GTF3C3: variants seen among roughly 807,000 people sequenced by gnomAD.
GTF3C3 encodes general transcription factor 3C polypeptide 3.
In GTF3C3, 75 loss-of-function variants were observed where a neutral mutation model predicts 105.2. The observed-to-expected ratio is 0.71, with a 90% confidence interval of 0.59 to 0.86. The LOEUF is 0.86. Ranked by LOEUF, GTF3C3 falls within the 40% of genes least tolerant of loss-of-function variation. The pLI is 0.00. For synonymous variants in GTF3C3, 335 were observed against 370.4 expected (o/e 0.90, Z 1.10); for missense variants, 856 against 1,076.5 (o/e 0.80, Z 2.87).
At chr2:196,781,636 T>C (rs1699365061) in intron 8 of GTF3C3, among the ~76,000 whole-genome samples, 2 of 151,836 alleles carry the variant, frequency 1.3e-5, no homozygotes, top group African/African-American at 2.4e-5. Context: ...CAATCTCTCA[T>C]GAACACTGAG....
intron 14 of GTF3C3, among the ~76,000 whole-genome samples, chr2:196,772,643 C>T (rs1432878004): frequency 1.3e-5 from 2 of 152,130 alleles, no homozygotes; most frequent in South Asian, 2.1e-4. Flanking sequence ...TATGAGATGG[C>T]AGTATTATGA....
At chr2:196,794,471 G>C (rs977392067) in intron 2 of GTF3C3, among the ~76,000 whole-genome samples, 8 of 152,028 alleles carry the variant, frequency 5.3e-5, no homozygotes, top group South Asian at 2.1e-4. Context: ...AGTTTTCCTC[G>C]TTTCCCAGGC....
At chr2:196,766,502 G>A in intron 17 of GTF3C3, 63 bp downstream of exon 17, 2 of 1,264,278 alleles carry the variant, frequency 1.6e-6, no homozygotes, top group Non-Finnish European at 2.2e-6. Context: ...GCTGGACTTA[G>A]CTAACTGCCC....
chr2:196,764,528 G>A lies in GTF3C3; in HGVS notation c.*35C>T. On this transcript the variant is annotated 3_prime_UTR_variant, in exon 18 of 18. Transcript: ENST00000263956. ...GACAGAAGACACTGGTCCTCACACA[G>A]CAGCTGCCATTGCTCTGTTCTCAGT... 6.3e-7 allele frequency: 1 copy of A among 1,587,288 alleles called. No individual in the cohort carries two copies. The highest frequency in any genetic ancestry group is 8.6e-7 in the Non-Finnish European group (1 of 1,163,470).
At position 196,763,859 on chromosome 2, in the gene GTF3C3, T is replaced by G. The variant is rs1445469848; in HGVS notation, c.*704A>C. On this transcript the variant is annotated 3_prime_UTR_variant, in exon 18 of 18. Coordinates refer to ENST00000263956, the MANE Select transcript of GTF3C3 (RefSeq NM_012086.5). ...TATTCCATACGTACTACTTGCCCAG[T>G]CTTATATTACTTGTGATCTTGAAAT... 2 of 152,174 alleles carry G rather than the reference T, an allele frequency of 1.3e-5. No individual in the cohort carries two copies. 9.4% of individuals were successfully genotyped at this position (152,174 alleles called of 1,614,324 possible).
Position 196,786,092 on chromosome 2 carries a change from G to A in GTF3C3, c.894-504C>T, listed in dbSNP as rs1268016499. ...CACCACCTGCCCAGCTGACCATGTT[G>A]ACTGGTCTCACTCTAAACTGATGAC... On this transcript the variant is annotated intron_variant, in intron 6 of 17. Coordinates refer to ENST00000263956, the MANE Select transcript of GTF3C3 (RefSeq NM_012086.5). This position sits in a 1 kb window ranked among gnomAD's most constrained non-coding sequence, Gnocchi z 4.2. 6.6e-6 allele frequency among the ~76,000 whole-genome samples: 1 copy of A among 152,118 alleles called. No homozygotes were observed. Among genetic ancestry groups the A allele is most frequent in the Non-Finnish European group, 1.5e-5 (1 of 68,012 alleles).
intron 10 of GTF3C3, among the ~76,000 whole-genome samples, chr2:196,777,261 TTC>T (rs368952592): frequency 6.6e-5 from 10 of 151,974 alleles, no homozygotes; most frequent in South Asian, 2.1e-4. Flanking sequence ...CTCCCTAGTA[TTC>T]TCTCTCTCTC....
At chr2:196,779,093 T>G (rs1699303646) in intron 9 of GTF3C3, 26 bp from the exon 10 acceptor site, 6 of 1,596,366 alleles carry the variant, frequency 3.8e-6, no homozygotes, top group Non-Finnish European at 5.1e-6. Context: ...AAGCCCCAAG[T>G]TAAACATTCA....
chr2:196,797,801 A>T lies in GTF3C3; in HGVS notation c.210T>A (p.Asn70Lys). Residue 70 changes from asparagine (N) to lysine (K), a missense_variant, in exon 2 of 18, where the codon AAT becomes AAA. Physicochemically the swap from Asn to Lys is moderately conservative, Grantham distance 94 (BLOSUM62 0). This residue lies in a region of GTF3C3 where 117 missense variants were observed against 114.0 expected (regional missense o/e 1.03). Transcript: ENST00000263956. ...AAGCACATAATTTTAACATACCTTC[A>T]TTGACATCTTTGTCTTGGGATTTGG... Reference protein sequence around the residue: ...NSTKSQDKDVNEGETSDGVRK... With the variant: ...NSTKSQDKDVKEGETSDGVRK... 6.5e-7 allele frequency: 1 copy of T among 1,533,486 alleles called. No individual in the cohort carries two copies. The highest frequency in any genetic ancestry group is 9.0e-7 in the Non-Finnish European group (1 of 1,106,706). The allele number at this position is 1,533,486 out of a possible 1,614,324, so 95.0% of individuals were successfully genotyped here.
chr2:196,776,042 T>A lies in GTF3C3; in HGVS notation c.1663A>T (p.Thr555Ser). The change falls in exon 12 of 18, where the codon ACC (threonine) becomes TCC (serine). Residue 555 changes from threonine to serine, a missense_variant. Thr to Ser is a moderately conservative substitution (Grantham distance 58, BLOSUM62 1). Coordinates refer to ENST00000263956, the MANE Select transcript of GTF3C3 (RefSeq NM_012086.5). The surrounding 1 kb of genome is among the most constrained non-coding windows in gnomAD (Gnocchi z 4.5). ...SQGKMYGYVD[T>S]LLTMLAMLLK... ...AGCATGGCTAACATAGTAAGTAAGG[T>A]ATCCACATAACCATACATTTTGCCT... The A allele has an allele frequency of 6.3e-7, 1 of 1,586,620 alleles. No homozygotes were observed. Among genetic ancestry groups the A allele is most frequent in the South Asian group, 1.1e-5 (1 of 87,086 alleles).
chr2:196,785,726 C>T (rs528207455), intron 6 of GTF3C3, 138 bp from the exon 7 acceptor site: 14 of 598,860 alleles, frequency 2.3e-5, no homozygotes, highest in Non-Finnish European at 3.6e-5. Flanking sequence ...TCCTTAAAAT[C>T]GTAATCAGAA....
Position 196,764,703 on chromosome 2 carries a change from C to G in GTF3C3, c.2539-18G>C. The stretch of plus-strand genomic sequence containing the variant: ...TCTATACCCTAGGGAGAAAAAGATA[C>G]CTTTATGTTTAATATTTCCAACTGT... On this transcript the variant is annotated intron_variant, in intron 17 of 17. Coordinates refer to ENST00000263956, the MANE Select transcript of GTF3C3 (RefSeq NM_012086.5). 1.9e-6 allele frequency: 3 copies of G among 1,596,010 alleles called. No homozygotes were observed. The highest frequency in any genetic ancestry group is 2.6e-6 in the Non-Finnish European group (3 of 1,168,744).
At chr2:196,795,195 A>G (rs949379794) in intron 2 of GTF3C3, among the ~76,000 whole-genome samples, 4 of 150,974 alleles carry the variant, frequency 2.6e-5, no homozygotes, top group Non-Finnish European at 4.4e-5. Flanking sequence ...GTGCCAACAC[A>G]CCCAGCTAAT....
intron 16 of GTF3C3, among the ~76,000 whole-genome samples, chr2:196,768,193 T>A (rs1342798488): frequency 6.6e-6 from 1 of 152,162 alleles, no homozygotes; most frequent in Non-Finnish European, 1.5e-5. Context: ...CATTTTTGTA[T>A]TTTTATTAAG....
chr2:196,773,912 C>T (rs1483267496), intron 13 of GTF3C3, among the ~76,000 whole-genome samples: 3 of 152,238 alleles, frequency 2.0e-5, no homozygotes, highest in Non-Finnish European at 4.4e-5. Flanking sequence ...CCACTGCTCA[C>T]CTCCTGCTGT....
rs1010761591 is a variant in GTF3C3, at chr2:196,789,327, C to T, written c.770G>A (p.Arg257Gln). Residue 257 changes from arginine (R) to glutamine (Q), a missense_variant, in exon 6 of 18, where the codon CGA (arginine) becomes CAA (glutamine). Arg to Gln is a conservative substitution (Grantham distance 43, BLOSUM62 1). Transcript: ENST00000263956. ...EPTNVRYLWE[R>Q]SSLYEQMGDH... ...ACCCATCTGTTCATAAAGGCTTGAT[C>T]GCTCCCACAGATAACGGACATTAGT... 2 of 1,611,386 alleles carry T rather than the reference C, an allele frequency of 1.2e-6. No homozygotes were observed. The highest frequency in any genetic ancestry group is 1.1e-5 in the South Asian group (1 of 90,422).
rs1179042662 is a variant in GTF3C3, at chr2:196,789,319, G to A, written c.778C>T (p.Leu260Phe). ...TTATGATCACCCATCTGTTCATAAA[G>A]GCTTGATCGCTCCCACAGATAACGG... ...NVRYLWERSSLYEQMGDHKMA... is the reference protein window; with the variant it reads ...NVRYLWERSSFYEQMGDHKMA... The change falls in exon 6 of 18, where the codon CTT becomes TTT. Residue 260 changes from leucine (L) to phenylalanine (F), a missense_variant. Physicochemically the swap from Leu to Phe is conservative, Grantham distance 22 (BLOSUM62 0). Transcript: ENST00000263956. 3 of 1,612,122 alleles carry A rather than the reference G, an allele frequency of 1.9e-6. No individual in the cohort carries two copies. The highest frequency in any genetic ancestry group is 2.5e-6 in the Non-Finnish European group (3 of 1,179,014).
intron 8 of GTF3C3, among the ~76,000 whole-genome samples, chr2:196,783,272 G>A (rs1354694822): frequency 1.6e-5 from 2 of 122,566 alleles, no homozygotes; most frequent in African/African-American, 6.0e-5. Context: ...GGGAAGGAGG[G>A]AAGGAGGGAG....
intron 10 of GTF3C3, chr2:196,777,712 CT>C (rs1699282723): frequency 6.6e-6 from 1 of 152,124 alleles, no homozygotes; most frequent in Admixed American, 6.5e-5. Context: ...AATTATCTTT[CT>C]TATATACTGA....
Sources: gnomAD v4.1 joint callset for allele counts (sites outside exome capture counted in the v4.1 genomes callset) on GRCh38, gnomAD v4.1.1 for gene constraint, gnomAD v4.1.1 regional missense constraint, Gnocchi (gnomAD v3.1) non-coding constraint, MANE v1.5 for transcripts, NCBI Gene and HGNC (gene_info 2026-07-23, HGNC 2026-07-21) for gene names.